FAF1: variants seen among roughly 807,000 people sequenced by gnomAD.
FAF1 encodes Fas associated factor 1, also known as FAS-associated factor 1.
FAF1 carries 25 observed loss-of-function variants against 92.5 expected under a neutral mutation model. The ratio of observed to expected loss-of-function variants is 0.27; its 90% confidence interval spans 0.20 to 0.38. FAF1 has a LOEUF of 0.38. FAF1 is among the 10% of genes least tolerant of loss of function. The pLI is 1.00. For synonymous variants in FAF1, 234 were observed against 273.2 expected (o/e 0.86, Z 1.42); for missense variants, 636 against 793.3 (o/e 0.80, Z 2.38).
At chr1:50,613,828 G>T (rs1652785684) in intron 8 of FAF1, among the ~76,000 whole-genome samples, 1 of 152,064 alleles carries the variant, frequency 6.6e-6, no homozygotes, top group Non-Finnish European at 1.5e-5. Flanking sequence ...GCAGGGCATG[G>T]TGGCTCACAC....
chr1:50,855,486 TC>T (rs1270743448), intron 2 of FAF1, among the ~76,000 whole-genome samples: 3 of 151,820 alleles, frequency 2.0e-5, no homozygotes, highest in Non-Finnish European at 4.4e-5. Flanking sequence ...AGGTTACAAC[TC>T]AATTAATGCA....
At chr1:50,775,637 A>C (rs929297322) in intron 4 of FAF1, among the ~76,000 whole-genome samples, 4 of 152,094 alleles carry the variant, frequency 2.6e-5, no homozygotes, top group Non-Finnish European at 5.9e-5. Flanking sequence ...GTTTTAGAAA[A>C]ATCACCACAG....
In FAF1 at chr1:50,670,703, G is replaced by A. The variant is rs544213252; in HGVS notation, c.658-15175C>T. Among the ~76,000 whole-genome samples, 13 of 152,200 alleles carry A rather than the reference G, an allele frequency of 8.5e-5. No individual in the cohort carries two copies. In the East Asian group the frequency reaches 2.5e-3, roughly 29 times the overall value. ...ATCTCAGCACTCTGGGGGCTGAGGT[G>A]GGTGGATCACTTGAGTTTAGGAGTT... On this transcript the variant is annotated intron_variant, in intron 7 of 18. Transcript: ENST00000396153.
chr1:50,629,432 G>A (rs1653660772), intron 8 of FAF1, among the ~76,000 whole-genome samples: 2 of 152,120 alleles, frequency 1.3e-5, no homozygotes, highest in Non-Finnish European at 2.9e-5. Flanking sequence ...GCCTCCTGAA[G>A]TGCTGAGATT....
At chr1:50,691,338 G>A (rs1280754333) in intron 7 of FAF1, among the ~76,000 whole-genome samples, 3 of 151,686 alleles carry the variant, frequency 2.0e-5, no homozygotes, top group Non-Finnish European at 4.4e-5. Context: ...CATCTCCCGG[G>A]TTCAAGTGAT....
chr1:50,474,872 A>G (rs1045754701), intron 18 of FAF1, among the ~76,000 whole-genome samples: 3 of 152,222 alleles, frequency 2.0e-5, no homozygotes, highest in African/African-American at 7.2e-5. Context: ...GGTGGTTAAC[A>G]TTTTTTGGAC....
chr1:50,631,133 T>C (rs1441984746), intron 8 of FAF1, among the ~76,000 whole-genome samples: 1 of 152,176 alleles, frequency 6.6e-6, no homozygotes, highest in South Asian at 2.1e-4. Flanking sequence ...ACTGCAGTTA[T>C]CTCTACTGTC....
intron 1 of FAF1, among the ~76,000 whole-genome samples, chr1:50,910,883 A>C (rs1644880311): frequency 6.6e-6 from 1 of 151,836 alleles, no homozygotes; most frequent in Non-Finnish European, 1.5e-5. Context: ...GGCTGCACCC[A>C]CTGTCCAACA....
At chr1:50,680,083 A>G (rs1412610283) in intron 7 of FAF1, among the ~76,000 whole-genome samples, 1 of 152,228 alleles carries the variant, frequency 6.6e-6, no homozygotes, top group African/African-American at 2.4e-5. Context: ...ATAATTCAGA[A>G]TTAGGAAATC....
intron 13 of FAF1, among the ~76,000 whole-genome samples, chr1:50,545,013 A>C (rs758826187): frequency 4.6e-5 from 7 of 151,812 alleles, no homozygotes; most frequent in Non-Finnish European, 8.8e-5. Context: ...TACATGGTAA[A>C]ACACACACAC....
intron 7 of FAF1, among the ~76,000 whole-genome samples, chr1:50,698,281 T>C (rs1316081147): frequency 1.3e-5 from 2 of 152,102 alleles, no homozygotes; most frequent in Non-Finnish European, 2.9e-5. Context: ...ACTTACCACA[T>C]CTATGAAGAA....
Position 50,474,994 on chromosome 1 carries a change from C to G in FAF1, c.1869+470G>C, listed in dbSNP as rs570063209. ...CTGTAATGCAAGCACACAGTGAATA[C>G]AGGTCACCCTCTGTAACTTCCCAGG... On this transcript the variant is annotated intron_variant, in intron 18 of 18. Coordinates refer to ENST00000396153, the MANE Select transcript of FAF1 (RefSeq NM_007051.3). 2.1e-4 allele frequency among the ~76,000 whole-genome samples: 32 copies of G among 152,336 alleles called. No homozygotes were observed. In the South Asian group the frequency reaches 6.2e-3, roughly 30 times the overall value.
intron 7 of FAF1, among the ~76,000 whole-genome samples, chr1:50,692,526 A>ACTTTTC (rs1569778190): frequency 6.6e-6 from 1 of 152,044 alleles, no homozygotes; most frequent in East Asian, 1.9e-4. Flanking sequence ...CTTTTCTAGA[A>ACTTTTC]TCCATATATA....
At chr1:50,894,613 A>G (rs983281835) in intron 1 of FAF1, among the ~76,000 whole-genome samples, 1 of 152,034 alleles carries the variant, frequency 6.6e-6, no homozygotes, top group African/African-American at 2.4e-5. Context: ...AACATGTATT[A>G]GGCCACAAAA....
chr1:50,495,322 T>G (rs896851326), intron 15 of FAF1, among the ~76,000 whole-genome samples: 6 of 152,228 alleles, frequency 3.9e-5, no homozygotes, highest in Non-Finnish European at 7.3e-5. Flanking sequence ...TTTAATTGTT[T>G]TGATTTTTAC....
intron 15 of FAF1, among the ~76,000 whole-genome samples, chr1:50,507,538 A>C (rs1572793907): frequency 1.3e-5 from 2 of 152,104 alleles, no homozygotes; most frequent in South Asian, 2.1e-4. Context: ...CCAGGAGTTC[A>C]AGATCAGCCT....
chr1:50,882,591 G>C (rs1298356042), intron 1 of FAF1, among the ~76,000 whole-genome samples: 1 of 149,468 alleles, frequency 6.7e-6, no homozygotes, highest in Non-Finnish European at 1.5e-5. Context: ...AACAGAGCAA[G>C]ACTCTGTCTT....
chr1:50,501,447 GA>G (rs1646983214), intron 15 of FAF1, among the ~76,000 whole-genome samples: 1 of 152,124 alleles, frequency 6.6e-6, no homozygotes, highest in African/African-American at 2.4e-5. Context: ...GGCGGATCAC[GA>G]GGTCAGGTCA....
intron 3 of FAF1, among the ~76,000 whole-genome samples, chr1:50,794,729 T>G (rs1661683219): frequency 6.6e-6 from 1 of 152,036 alleles, no homozygotes; most frequent in South Asian, 2.1e-4. Flanking sequence ...GTTCAAGCGA[T>G]TCTCCTGCCT....
Sources: allele counts gnomAD v4.1 joint callset (sites outside exome capture counted in the v4.1 genomes callset), GRCh38; gene constraint gnomAD v4.1.1; transcripts MANE v1.5; gene names NCBI Gene and HGNC (gene_info 2026-07-23, HGNC 2026-07-21).